The following PRKAG2 variants were observed in gnomAD, a reference collection of about 807,000 sequenced individuals.
PRKAG2 encodes the protein protein kinase AMP-activated non-catalytic subunit gamma 2, also known as 5'-AMP-activated protein kinase subunit gamma-2.
PRKAG2 carries 26 observed loss-of-function variants against 69.6 expected under a neutral mutation model. That is an observed-to-expected ratio of 0.37 (90% CI 0.27 to 0.52). PRKAG2 has a LOEUF of 0.52. Among genes scored for constraint, PRKAG2 ranks in the 20% least tolerant of loss-of-function variants. The pLI is 0.90. For synonymous variants in PRKAG2, 293 were observed against 285.0 expected, an observed-to-expected ratio of 1.03 and a Z score of -0.28; for missense variants, 557 against 740.0, an observed-to-expected ratio of 0.75 and a Z score of 2.87.
Position 151,781,468 on chromosome 7 carries a change from C to A in PRKAG2, c.187-37G>T, listed in dbSNP as rs763588578. ...CAGACGAATGGATGCAGTCACTCCA[C>A]GCTCTGGACACGCTGCCTCCTGCCC... On this transcript the variant is annotated intron_variant, in intron 2 of 15. Transcript: ENST00000287878. This position sits in a 1 kb window ranked among gnomAD's most constrained non-coding sequence, Gnocchi z 6.1. 1.9e-6 allele frequency: 3 copies of A among 1,573,632 alleles called. No homozygotes were observed. Among genetic ancestry groups the A allele is most frequent in the South Asian group, 2.3e-5 (2 of 87,032 alleles).
chr7:151,724,096 A>T (rs1381685355), intron 3 of PRKAG2, among the ~76,000 whole-genome samples: 1 of 152,132 alleles, frequency 6.6e-6, no homozygotes, highest in Non-Finnish European at 1.5e-5. Flanking sequence ...CTGGAGCACC[A>T]TACCTTTGCC....
chr7:151,631,282 G>T (rs992645245), intron 5 of PRKAG2, among the ~76,000 whole-genome samples: 1 of 152,202 alleles, frequency 6.6e-6, no homozygotes, highest in African/African-American at 2.4e-5. Flanking sequence ...CCGACTCTGA[G>T]CTCATCACAT....
chr7:151,562,274 G>T (rs1055120762), intron 14 of PRKAG2, among the ~76,000 whole-genome samples: 4 of 109,014 alleles, frequency 3.7e-5, no homozygotes, highest in Non-Finnish European at 5.8e-5. Context: ...AAAAAAAAAA[G>T]GCTTCAGAAC....
At chr7:151,857,619 G>A (rs2079818794) in intron 1 of PRKAG2, among the ~76,000 whole-genome samples, 1 of 152,194 alleles carries the variant, frequency 6.6e-6, no homozygotes, top group Non-Finnish European at 1.5e-5. Context: ...GGCCTCTGCT[G>A]TGCAGATTTT....
chr7:151,570,276 A>T (rs1219643312), intron 9 of PRKAG2, 51 bp from the exon 10 acceptor site: 10 of 1,565,606 alleles, frequency 6.4e-6, no homozygotes, highest in Non-Finnish European at 8.7e-6. Context: ...TGCTGTTTGC[A>T]GTTATAACAC....
chr7:151,606,186 A>G (rs895314072), intron 5 of PRKAG2, among the ~76,000 whole-genome samples: 1 of 152,192 alleles, frequency 6.6e-6, no homozygotes, highest in African/African-American at 2.4e-5. Context: ...TGAGCCACCT[A>G]CAAATTATAA....
intron 14 of PRKAG2, among the ~76,000 whole-genome samples, chr7:151,561,597 C>A (rs942214181): frequency 1.3e-5 from 2 of 152,202 alleles, no homozygotes; most frequent in Admixed American, 6.5e-5. Flanking sequence ...CTGTAACAGG[C>A]CTTTCACCCG....
At chr7:151,663,465 T>C (rs1260083167) in intron 4 of PRKAG2, among the ~76,000 whole-genome samples, 3 of 152,168 alleles carry the variant, frequency 2.0e-5, no homozygotes, top group African/African-American at 4.8e-5. Context: ...CAGGCTCAGA[T>C]GATTCTCCCA....
intron 4 of PRKAG2, among the ~76,000 whole-genome samples, chr7:151,634,947 T>G (rs1825477249): frequency 6.7e-6 from 1 of 148,970 alleles, no homozygotes; most frequent in Non-Finnish European, 1.5e-5. Flanking sequence ...CTGTTTTTTT[T>G]TTTTTTTTTC....
intron 4 of PRKAG2, among the ~76,000 whole-genome samples, chr7:151,659,869 G>A (rs1005784387): frequency 6.6e-6 from 1 of 152,228 alleles, no homozygotes. Context: ...CCCACTAGCT[G>A]TGTCTGAACA....
intron 3 of PRKAG2, among the ~76,000 whole-genome samples, chr7:151,731,692 A>G (rs1586143427): frequency 1.3e-5 from 2 of 152,312 alleles, no homozygotes; most frequent in Middle Eastern, 6.8e-3. Context: ...AAAGACTGAC[A>G]CAGCCACAGA....
chr7:151,847,431 C>A (rs1036034079), intron 1 of PRKAG2, among the ~76,000 whole-genome samples: 15 of 152,210 alleles, frequency 9.9e-5, no homozygotes, highest in Admixed American at 8.5e-4. Flanking sequence ...TTTTCTCAAG[C>A]CACATCCTCA....
intron 3 of PRKAG2, among the ~76,000 whole-genome samples, chr7:151,724,474 C>T (rs1175793063): frequency 2.0e-5 from 3 of 152,110 alleles, no homozygotes; most frequent in Non-Finnish European, 4.4e-5. Flanking sequence ...GGTGACTTCC[C>T]AAGGCAGGGA....
At chr7:151,736,631 G>A (rs575996828) in intron 3 of PRKAG2, among the ~76,000 whole-genome samples, 8 of 152,304 alleles carry the variant, frequency 5.3e-5, no homozygotes, top group South Asian at 2.1e-4. Context: ...AGAAGGCTCC[G>A]GCTGCTGCCG....
intron 6 of PRKAG2, among the ~76,000 whole-genome samples, chr7:151,592,349 T>A (rs538483054): frequency 2.6e-5 from 4 of 152,328 alleles, no homozygotes; most frequent in African/African-American, 9.6e-5. Context: ...CCAGGACATA[T>A]CTACATGGAT....
intron 3 of PRKAG2, among the ~76,000 whole-genome samples, chr7:151,715,119 G>A: frequency 6.9e-6 from 1 of 145,024 alleles, no homozygotes; most frequent in East Asian, 2.1e-4. Context: ...AGGTTCAAGT[G>A]ATTCTCCTGC....
rs547509000 is a variant in PRKAG2, at chr7:151,801,975, T to C, written c.115-15434A>G. On this transcript the variant is annotated intron_variant, in intron 1 of 15. Coordinates refer to ENST00000287878, the MANE Select transcript of PRKAG2 (RefSeq NM_016203.4). ...TGGTCACTGAGGTGTCCCTGACTCG[T>C]GTCCTGTGTGCAGGATGGAGTCTCC... is the stretch of plus-strand genomic sequence containing the variant. Among the ~76,000 whole-genome samples, 21 of 152,306 alleles carry C rather than the reference T, an allele frequency of 1.4e-4. No individual in the cohort carries two copies. In the South Asian group the frequency reaches 4.4e-3, roughly 32 times the overall value.
Position 151,836,130 on chromosome 7 carries a change from C to G in PRKAG2, c.114+40377G>C, listed in dbSNP as rs2079142285. Among the ~76,000 whole-genome samples, 1 of 152,234 alleles carries G rather than the reference C, an allele frequency of 6.6e-6. No homozygotes were observed. Among genetic ancestry groups the G allele is most frequent in the African/African-American group, 2.4e-5 (1 of 41,460 alleles). ...GAATATTCATGACCGCTTCCCATAT[C>G]CTGAGTTTTGTCTTCGGCCGTGTCT... On this transcript the variant is annotated intron_variant, in intron 1 of 15. Coordinates refer to ENST00000287878, the MANE Select transcript of PRKAG2 (RefSeq NM_016203.4). This position sits in a 1 kb window ranked among gnomAD's most constrained non-coding sequence, Gnocchi z 4.1.
intron 3 of PRKAG2, among the ~76,000 whole-genome samples, chr7:151,730,762 A>G (rs530304540): frequency 1.3e-5 from 2 of 152,320 alleles, no homozygotes; most frequent in South Asian, 4.1e-4. Flanking sequence ...CCACAGGGCC[A>G]TACTCAGCCA....
Sources: gnomAD v4.1 joint callset for allele counts (sites outside exome capture counted in the v4.1 genomes callset) on GRCh38, gnomAD v4.1.1 for gene constraint, Gnocchi (gnomAD v3.1) non-coding constraint, MANE v1.5 for transcripts, NCBI Gene and HGNC (gene_info 2026-07-23, HGNC 2026-07-21) for gene names.